The following ZNF800 variants were observed in gnomAD, a reference collection of about 807,000 sequenced individuals.
The protein encoded by ZNF800 is zinc finger protein 800.
In ZNF800, 13 loss-of-function variants were observed where a neutral mutation model predicts 59.5. That is an observed-to-expected ratio of 0.22 (90% CI 0.14 to 0.35). The LOEUF (loss-of-function observed/expected upper bound fraction) is 0.35, where lower values mean the gene tolerates loss of function less well. Among genes scored for constraint, ZNF800 ranks in the 10% least tolerant of loss-of-function variants. The pLI, the probability that ZNF800 is intolerant of heterozygous loss-of-function variation, is 1.00. For missense variants in ZNF800, 621 were observed against 783.7 expected, an observed-to-expected ratio of 0.79 and a Z score of 2.48; for synonymous variants, 266 against 265.7, an observed-to-expected ratio of 1.00 and a Z score of -0.01.
rs1801342750 is a variant in ZNF800, at chr7:127,392,048, C to A, written c.-59+12G>T. The stretch of plus-strand genomic sequence containing the variant: ...GAGACCCCGTCCCCACAACCAAGTG[C>A]GCCCAACTTACTCAACTCTTAGGGC... On this transcript the variant is annotated intron_variant, in intron 1 of 5. Coordinates refer to ENST00000265827, the MANE Select transcript of ZNF800 (RefSeq NM_176814.5). 5.1e-6 allele frequency: 2 copies of A among 389,058 alleles called. No individual in the cohort carries two copies. Among genetic ancestry groups the A allele is most frequent in the South Asian group, 1.3e-4 (1 of 7,502 alleles). The allele number at this position is 389,058 out of a possible 1,614,324, so 24.1% of individuals were successfully genotyped here. A position where few individuals can be genotyped will look rare whatever the true frequency, so the allele number is the denominator to read the frequency against.
At chr7:127,383,488 T>C (rs537875310) in intron 3 of ZNF800, among the ~76,000 whole-genome samples, 13 of 152,176 alleles carry the variant, frequency 8.5e-5, no homozygotes, top group Non-Finnish European at 1.8e-4. Context: ...GGAAAGAGCC[T>C]AGAAATAGAT....
Position 127,370,052 on chromosome 7 carries a change from A to T in ZNF800, c.*1762T>A, listed in dbSNP as rs1056435636. 6.6e-6 allele frequency: 1 copy of T among 152,128 alleles called. No homozygotes were observed. Among genetic ancestry groups the T allele is most frequent in the East Asian group, 1.9e-4 (1 of 5,192 alleles). The allele number at this position is 152,128 out of a possible 1,614,324, so 9.4% of individuals were successfully genotyped here. A position where few individuals can be genotyped will look rare whatever the true frequency, so the allele number is the denominator to read the frequency against. On this transcript the variant is annotated 3_prime_UTR_variant, in exon 6 of 6. Transcript: ENST00000265827. ...AAAGATAACACCTTGCAAAAGTCAAACATATAGGTTTAATAATGTGCAACT... is the reference window on the plus strand; with the variant it reads ...AAAGATAACACCTTGCAAAAGTCAATCATATAGGTTTAATAATGTGCAACT...
intron 2 of ZNF800, among the ~76,000 whole-genome samples, chr7:127,386,926 T>A (rs912540942): frequency 3.2e-4 from 48 of 151,942 alleles, no homozygotes; most frequent in African/African-American, 1.1e-3. Flanking sequence ...TATATAAATT[T>A]AATATATATT....
chr7:127,346,347 G>C (rs1373506388), downstream of ZNF800, among the ~76,000 whole-genome samples: 2 of 152,204 alleles, frequency 1.3e-5, no homozygotes, highest in African/African-American at 4.8e-5. Flanking sequence ...TAATGGATTG[G>C]AAGTAAAAAT....
intron 1 of ZNF800, among the ~76,000 whole-genome samples, chr7:127,352,693 T>C (rs950180255): frequency 6.6e-6 from 1 of 152,216 alleles, no homozygotes; most frequent in Non-Finnish European, 1.5e-5. Context: ...ATTAAAGAAC[T>C]GAATTGTGGA....
chr7:127,351,547 GGA>G (rs2117019263), intron 1 of ZNF800: 2 of 152,290 alleles, frequency 1.3e-5, no homozygotes, highest in African/African-American at 4.8e-5. Context: ...CCAGATGGAT[GGA>G]GAGAAGACTG....
At chr7:127,361,597 A>T (rs984679062) in intron 1 of ZNF800, 1 of 152,042 alleles carries the variant, frequency 6.6e-6, no homozygotes, top group Non-Finnish European at 1.5e-5. Flanking sequence ...CTGGCCTCAG[A>T]CATGAAAAAA....
intron 1 of ZNF800, among the ~76,000 whole-genome samples, 196 bp from the exon 2 acceptor site, chr7:127,391,811 G>A (rs1255736476): frequency 2.0e-5 from 3 of 152,090 alleles, no homozygotes; most frequent in African/African-American, 7.2e-5. Flanking sequence ...CGCCCTACCC[G>A]GAAACGCAGC....
rs1344346313 is a variant in ZNF800 at position 127,392,498 on chromosome 7, T to G, written c.-497A>C. The G allele has an allele frequency of 3.2e-5, 11 of 346,622 alleles. No individual in the cohort carries two copies. The highest frequency in any genetic ancestry group is 5.7e-5 in the Non-Finnish European group (11 of 192,778). 21.5% of individuals were successfully genotyped at this position (346,622 alleles called of 1,614,324 possible). A position where few individuals can be genotyped will look rare whatever the true frequency, so the allele number is the denominator to read the frequency against. ...ACCAGCGCCGCTCCACCTGCAACGG[T>G]CCCTCAGGCTTTAGGAGAGGGGCGG... On this transcript the variant is annotated 5_prime_UTR_variant, in exon 1 of 6. Coordinates refer to ENST00000265827, the MANE Select transcript of ZNF800 (RefSeq NM_176814.5).
intron 3 of ZNF800, among the ~76,000 whole-genome samples, chr7:127,385,179 C>T (rs1438613171): frequency 2.6e-5 from 4 of 152,138 alleles, no homozygotes; most frequent in Admixed American, 6.5e-5. Flanking sequence ...AATTATTTTT[C>T]CTTTGAACCT....
rs373530499 is a variant in ZNF800 at position 127,377,298 on chromosome 7, T to C, written c.189A>G (p.Lys63=). 9.9e-6 allele frequency: 16 copies of C among 1,608,446 alleles called. No individual in the cohort carries two copies. In the African/African-American group the frequency reaches 2.1e-4, roughly 21 times the overall value. ...GTKQLKHILL[K]DVDTIFECKL... ...TACATTCAAAAATAGTGTCCACATC[T>C]TTTAATAAAATATGCTTAAGTTGTT... The change falls in exon 4 of 6, where the codon AAA becomes AAG. Residue 63 remains lysine (K), a synonymous_variant. Transcript: ENST00000265827. The surrounding 1 kb of genome is among the most constrained non-coding windows in gnomAD (Gnocchi z 4.7).
At chr7:127,373,137 G>C in intron 5 of ZNF800, 3 of 985,432 alleles carry the variant, frequency 3.0e-6, no homozygotes, top group Non-Finnish European at 3.6e-6. Flanking sequence ...GATAAGTTCT[G>C]AAGTTAACTT....
chr7:127,376,576 G>T (rs941229787), intron 4 of ZNF800, among the ~76,000 whole-genome samples: 6 of 151,816 alleles, frequency 4.0e-5, no homozygotes, highest in African/African-American at 1.2e-4. Context: ...AGTTATACTG[G>T]ATCTCAAGTT....
chr7:127,389,742 G>A (rs1801249120), intron 2 of ZNF800, among the ~76,000 whole-genome samples: 1 of 152,180 alleles, frequency 6.6e-6, no homozygotes, highest in Middle Eastern at 3.4e-3. Flanking sequence ...AAATTAACCT[G>A]CATGGAAAAA....
Position 127,374,325 on chromosome 7 carries a change from A to G in ZNF800, c.1011T>C (p.Pro337=). The change falls in exon 5 of 6, where the codon CCT becomes CCC. Residue 337 remains proline (P), a synonymous_variant. Transcript: ENST00000265827. ...GTTTTCGAGTCTTAAAAGATTTTTTAGGAGAAATAGAATCCAGGAACAAAG... is the reference window on the plus strand; with the variant it reads ...GTTTTCGAGTCTTAAAAGATTTTTTGGGAGAAATAGAATCCAGGAACAAAG... ...GQPLFLDSIS[P]KKSFKTRKQK... 1.9e-6 allele frequency: 3 copies of G among 1,613,134 alleles called. No individual in the cohort carries two copies. Among genetic ancestry groups the G allele is most frequent in the Non-Finnish European group, 2.5e-6 (3 of 1,179,736 alleles).
intron 2 of ZNF800, among the ~76,000 whole-genome samples, chr7:127,388,828 T>A (rs770086566): frequency 6.6e-6 from 1 of 152,206 alleles, no homozygotes; most frequent in Non-Finnish European, 1.5e-5. Context: ...TAGCTCCCAC[T>A]CTAAAGAAAC....
At chr7:127,344,483 T>C (rs933793925), downstream of ZNF800, among the ~76,000 whole-genome samples, 1 of 152,030 alleles carries the variant, frequency 6.6e-6, no homozygotes, top group African/African-American at 2.4e-5. Context: ...CCAAACAAAA[T>C]GGCAATAGAA....
downstream of ZNF800, among the ~76,000 whole-genome samples, chr7:127,345,138 G>T (rs146691690): frequency 7.9e-4 from 120 of 152,256 alleles, no homozygotes; most frequent in East Asian, 1.7e-3. Context: ...ACCCTCAACA[G>T]AAAAAATATC....
At chr7:127,390,448 T>C (rs978674997) in intron 2 of ZNF800, among the ~76,000 whole-genome samples, 1 of 152,174 alleles carries the variant, frequency 6.6e-6, no homozygotes, top group Non-Finnish European at 1.5e-5. Flanking sequence ...GAGATAGGGT[T>C]GTAGTACGAA....
Sources: allele counts gnomAD v4.1 joint callset (sites outside exome capture counted in the v4.1 genomes callset), GRCh38; gene constraint gnomAD v4.1.1; non-coding constraint Gnocchi (gnomAD v3.1); transcripts MANE v1.5; gene names NCBI Gene and HGNC (gene_info 2026-07-23, HGNC 2026-07-21).